The following ALK variants were observed in gnomAD, a reference collection of about 807,000 sequenced individuals.
The protein encoded by ALK is ALK receptor tyrosine kinase.
A neutral mutation model predicts 163.1 loss-of-function variants in ALK; 74 were observed. The observed-to-expected ratio is 0.45, with a 90% CI of 0.38 to 0.55. The LOEUF (loss-of-function observed/expected upper bound fraction) is 0.55, where lower values mean the gene tolerates loss of function less well. ALK is among the 20% of genes least tolerant of loss of function. The pLI is 0.00. For synonymous variants in ALK, 960 were observed against 843.2 expected, an observed-to-expected ratio of 1.14 and a Z score of -2.40; for missense variants, 2,063 against 2,105.3, an observed-to-expected ratio of 0.98 and a Z score of 0.39.
At chr2:29,656,286 T>G (rs1381597663) in intron 3 of ALK, among the ~76,000 whole-genome samples, 1 of 152,160 alleles carries the variant, frequency 6.6e-6, no homozygotes, top group Non-Finnish European at 1.5e-5. Context: ...GTAGAGGGAC[T>G]GACTGAATGA....
intron 2 of ALK, among the ~76,000 whole-genome samples, chr2:29,714,908 A>C (rs951945647): frequency 1.3e-5 from 2 of 152,146 alleles, no homozygotes. Flanking sequence ...TCTTGGCCTT[A>C]GCTCTGTCTT....
At chr2:29,429,753 G>T (rs888019340) in intron 4 of ALK, among the ~76,000 whole-genome samples, 1 of 151,972 alleles carries the variant, frequency 6.6e-6, no homozygotes, top group African/African-American at 2.4e-5. Context: ...TAAAATTTTC[G>T]AGGGACCCCA....
At chr2:29,404,685 A>C (rs1311643082) in intron 4 of ALK, among the ~76,000 whole-genome samples, 2 of 152,244 alleles carry the variant, frequency 1.3e-5, no homozygotes, top group Non-Finnish European at 2.9e-5. Flanking sequence ...AGTACTGGAC[A>C]GAGATGATGA....
At chr2:29,652,278 G>A (rs1372738628) in intron 3 of ALK, among the ~76,000 whole-genome samples, 1 of 152,020 alleles carries the variant, frequency 6.6e-6, no homozygotes, top group African/African-American at 2.4e-5. Context: ...GGGAACCCCT[G>A]GCTTAGGGTC....
At chr2:29,287,932 G>T (rs1665902929) in intron 9 of ALK, among the ~76,000 whole-genome samples, 1 of 152,028 alleles carries the variant, frequency 6.6e-6, no homozygotes, top group Non-Finnish European at 1.5e-5. Flanking sequence ...ACAGCTCCTG[G>T]AGTGGAGATG....
At chr2:29,742,416 G>A (rs1680086912) in intron 1 of ALK, among the ~76,000 whole-genome samples, 2 of 152,204 alleles carry the variant, frequency 1.3e-5, no homozygotes, top group African/African-American at 2.4e-5. Context: ...GAGATGGGCG[G>A]CCTTGCCTCT....
Position 29,920,317 on chromosome 2 carries a change from G to T in ALK, c.343C>A (p.Pro115Thr). 6.4e-7 allele frequency: 1 copy of T among 1,555,982 alleles called. No individual in the cohort carries two copies. The highest frequency in any genetic ancestry group is 8.7e-7 in the Non-Finnish European group (1 of 1,151,404). ...APGVSWTAGSPAPAEARTLSR... is the reference protein window; with the variant it reads ...APGVSWTAGSTAPAEARTLSR... ...AGCGTCCGGGCCTCTGCCGGGGCTG[G>T]TGAACCGGCGGTCCAGGAGACCCCC... is the stretch of plus-strand genomic sequence containing the variant. Residue 115 changes from proline (P) to threonine (T), a missense_variant, in exon 1 of 29, where the codon CCA becomes ACA. Transcript: ENST00000389048.
At chr2:29,624,639 T>C (rs192193802) in intron 3 of ALK, among the ~76,000 whole-genome samples, 256 of 152,264 alleles carry the variant, frequency 1.7e-3, no homozygotes, top group African/African-American at 5.8e-3. Flanking sequence ...AGCTAATGGA[T>C]GCTGGGCTTA....
intron 1 of ALK, among the ~76,000 whole-genome samples, chr2:29,779,461 A>G (rs1681275391): frequency 6.6e-6 from 1 of 152,210 alleles, no homozygotes; most frequent in African/African-American, 2.4e-5. Flanking sequence ...TTAGAAAAGT[A>G]GCTTCATTTG....
chr2:29,425,672 C>T (rs1558318686), intron 4 of ALK, among the ~76,000 whole-genome samples: 1 of 152,182 alleles, frequency 6.6e-6, no homozygotes, highest in Non-Finnish European at 1.5e-5. Context: ...ATCTCTTGCT[C>T]CCTGCCTCAG....
intron 1 of ALK, among the ~76,000 whole-genome samples, chr2:29,738,317 T>A (rs1437202313): frequency 7.9e-5 from 12 of 152,034 alleles, no homozygotes; most frequent in African/African-American, 2.9e-4. Flanking sequence ...AAACGATATA[T>A]TATAAATTTG....
At chr2:29,512,591 A>G (rs1672553296) in intron 4 of ALK, among the ~76,000 whole-genome samples, 1 of 148,076 alleles carries the variant, frequency 6.8e-6, no homozygotes, top group Non-Finnish European at 1.5e-5. Flanking sequence ...CTGGCACAAG[A>G]CAGGGATGCC....
chr2:29,871,689 CAT>C (rs776707590), intron 1 of ALK, among the ~76,000 whole-genome samples: 22 of 152,292 alleles, frequency 1.4e-4, no homozygotes, highest in Non-Finnish European at 2.5e-4. Context: ...ACTAATATCA[CAT>C]GAGTCCCCTC....
chr2:29,424,756 G>A (rs373399942), intron 4 of ALK, among the ~76,000 whole-genome samples: 14 of 152,350 alleles, frequency 9.2e-5, no homozygotes, highest in African/African-American at 3.1e-4. Context: ...AGACCATGGA[G>A]TTGAGAGAAA....
At chr2:29,766,771 C>A (rs1276985633) in intron 1 of ALK, among the ~76,000 whole-genome samples, 2 of 152,180 alleles carry the variant, frequency 1.3e-5, no homozygotes, top group African/African-American at 2.4e-5. Flanking sequence ...TTTCCACCTG[C>A]CATCCTCTGC....
At chr2:29,604,240 C>T (rs1204008394) in intron 3 of ALK, among the ~76,000 whole-genome samples, 2 of 145,420 alleles carry the variant, frequency 1.4e-5, no homozygotes, top group Non-Finnish European at 3.0e-5. Flanking sequence ...GTGAGGATTA[C>T]GTGAAATTCA....
intron 1 of ALK, among the ~76,000 whole-genome samples, chr2:29,814,307 G>C (rs1400371826): frequency 6.6e-6 from 1 of 152,004 alleles, no homozygotes; most frequent in Non-Finnish European, 1.5e-5. Flanking sequence ...TTCCCTTCAT[G>C]GTGGTATATA....
chr2:29,806,196 A>G (rs1664607955), intron 1 of ALK, among the ~76,000 whole-genome samples: 1 of 152,204 alleles, frequency 6.6e-6, no homozygotes, highest in African/African-American at 2.4e-5. Flanking sequence ...GACTAAGGTA[A>G]GAGGTCAGAG....
At chr2:29,770,939 A>T (rs1681003917) in intron 1 of ALK, among the ~76,000 whole-genome samples, 1 of 151,968 alleles carries the variant, frequency 6.6e-6, no homozygotes, top group South Asian at 2.1e-4. Context: ...ACACACACAT[A>T]GACACACAGA....
Sources: gnomAD v4.1 joint callset for allele counts (sites outside exome capture counted in the v4.1 genomes callset) on GRCh38, gnomAD v4.1.1 for gene constraint, MANE v1.5 for transcripts, NCBI Gene and HGNC (gene_info 2026-07-23, HGNC 2026-07-21) for gene names.